Variants in PPP4R3B observed in about 807,000 individuals in gnomAD.
The protein encoded by PPP4R3B is serine/threonine-protein phosphatase 4 regulatory subunit 3B.
PPP4R3B carries 52 observed loss-of-function variants against 95.4 expected under a neutral mutation model. The ratio of observed to expected loss-of-function variants is 0.54; its 90% CI spans 0.44 to 0.69. The LOEUF is 0.69. PPP4R3B is among the 30% of genes least tolerant of loss of function. The pLI is 0.00. For missense variants in PPP4R3B, 1,003 were observed against 1,005.9 expected, an observed-to-expected ratio of 1.00 and a Z score of 0.04; for synonymous variants, 407 against 343.9, an observed-to-expected ratio of 1.18 and a Z score of -2.03.
chr2:55,559,633 T>C (rs1262178744), intron 15 of PPP4R3B, among the ~76,000 whole-genome samples: 1 of 152,194 alleles, frequency 6.6e-6, no homozygotes, highest in Non-Finnish European at 1.5e-5. Flanking sequence ...CTCTCTCTCC[T>C]GCTGCCATGT....
intron 13 of PPP4R3B, among the ~76,000 whole-genome samples, chr2:55,566,934 G>A (rs561107399): frequency 4.6e-5 from 7 of 152,204 alleles, no homozygotes; most frequent in Non-Finnish European, 1.0e-4. Flanking sequence ...TTGAGCCCAG[G>A]AGGTCGAGGC....
intron 2 of PPP4R3B, among the ~76,000 whole-genome samples, chr2:55,609,782 A>G (rs560090934): frequency 6.6e-6 from 1 of 152,164 alleles, no homozygotes; most frequent in Non-Finnish European, 1.5e-5. Context: ...AGTATACAGT[A>G]TGCTACCAGT....
intron 2 of PPP4R3B, among the ~76,000 whole-genome samples, chr2:55,609,887 A>C (rs1191524323): frequency 6.6e-6 from 1 of 152,224 alleles, no homozygotes; most frequent in East Asian, 1.9e-4. Context: ...TGGTGATGTC[A>C]GTGGCCTCTA....
intron 12 of PPP4R3B, among the ~76,000 whole-genome samples, chr2:55,569,747 G>A (rs993766592): frequency 6.6e-6 from 1 of 152,034 alleles, no homozygotes; most frequent in African/African-American, 2.4e-5. Context: ...GGCCACTACC[G>A]GTCTCCGCGT....
At chr2:55,582,397 G>T (rs1689564394) in intron 7 of PPP4R3B, among the ~76,000 whole-genome samples, 1 of 152,088 alleles carries the variant, frequency 6.6e-6, no homozygotes, top group Non-Finnish European at 1.5e-5. Context: ...GGGATTAAAG[G>T]CATGAGCCAC....
intron 2 of PPP4R3B, among the ~76,000 whole-genome samples, 187 bp from the exon 3 acceptor site, chr2:55,604,263 ATGAC>A (rs1185424287): frequency 1.3e-5 from 2 of 152,216 alleles, no homozygotes; most frequent in African/African-American, 4.8e-5. Context: ...GATACTAAAA[ATGAC>A]TGAGCAATTT....
At chr2:55,569,033 GA>G (rs1687648128) in intron 12 of PPP4R3B, among the ~76,000 whole-genome samples, 1 of 152,046 alleles carries the variant, frequency 6.6e-6, no homozygotes, top group Non-Finnish European at 1.5e-5. Context: ...GATTATATAT[GA>G]ATATCATTAA....
intron 4 of PPP4R3B, among the ~76,000 whole-genome samples, chr2:55,592,048 G>C (rs2104382569): frequency 6.6e-6 from 1 of 151,988 alleles, no homozygotes; most frequent in Admixed American, 6.6e-5. Context: ...AAACACTGTG[G>C]GGAAAAAAAG....
chr2:55,575,507 G>A (rs1380649384), intron 11 of PPP4R3B, among the ~76,000 whole-genome samples: 1 of 152,082 alleles, frequency 6.6e-6, no homozygotes, highest in Admixed American at 6.6e-5. Flanking sequence ...GGGCACTGGT[G>A]CAATTTCGGC....
intron 5 of PPP4R3B, among the ~76,000 whole-genome samples, chr2:55,588,435 C>A (rs1690466981): frequency 6.6e-6 from 1 of 151,472 alleles, no homozygotes; most frequent in African/African-American, 2.4e-5. Flanking sequence ...ATCCCTTGAA[C>A]CTGGGAGGCA....
chr2:55,559,051 T>C, intron 15 of PPP4R3B, 83 bp from the exon 16 acceptor site: 3 of 1,128,146 alleles, frequency 2.7e-6, no homozygotes, highest in East Asian at 2.6e-5. Context: ...ATTAAAAAAC[T>C]TATAAAACAT....
At chr2:55,550,956 C>A (rs1685177085) in intron 16 of PPP4R3B, among the ~76,000 whole-genome samples, 1 of 152,158 alleles carries the variant, frequency 6.6e-6, no homozygotes, top group African/African-American at 2.4e-5. Flanking sequence ...CATCTTAAGT[C>A]TGGATATGCA....
rs575307980 is a variant in PPP4R3B at position 55,609,239 on chromosome 2, GCCTCAA to G, written c.199-5169_199-5164del. ...ACAGGTGTGATCATCACGAACTATA[GCCTCAA>G]ACTCCTGGTCTCAAGTGATCCTCCT... On this transcript the variant is annotated intron_variant, in intron 2 of 16. Transcript: ENST00000616407. 3.9e-5 allele frequency among the ~76,000 whole-genome samples: 6 copies of G among 151,994 alleles called. No individual in the cohort carries two copies. The South Asian group carries it at 1.0e-3, about 26-fold the overall frequency.
At chr2:55,600,972 C>T (rs976394898) in intron 3 of PPP4R3B, among the ~76,000 whole-genome samples, 1 of 151,906 alleles carries the variant, frequency 6.6e-6, no homozygotes, top group African/African-American at 2.4e-5. Context: ...GCCTGTGCAA[C>T]CTTGTCACTA....
chr2:55,560,557 T>C (rs1245508266), intron 15 of PPP4R3B, among the ~76,000 whole-genome samples: 37 of 152,116 alleles, frequency 2.4e-4, no homozygotes, highest in African/African-American at 8.4e-4. Flanking sequence ...GACAAGCGGA[T>C]CACGAAGTCA....
intron 12 of PPP4R3B, among the ~76,000 whole-genome samples, chr2:55,570,964 C>T (rs995572264): frequency 6.6e-6 from 1 of 152,132 alleles, no homozygotes; most frequent in African/African-American, 2.4e-5. Context: ...ACTACAGTTA[C>T]AACAGCACTG....
At chr2:55,615,991 G>A (rs1694870966) in intron 1 of PPP4R3B, among the ~76,000 whole-genome samples, 1 of 139,562 alleles carries the variant, frequency 7.2e-6, no homozygotes, top group Admixed American at 7.9e-5. Flanking sequence ...CCAAATCTAG[G>A]CTTCACATTT....
chr2:55,579,983 T>C (rs1292683185), intron 8 of PPP4R3B, among the ~76,000 whole-genome samples: 1 of 152,156 alleles, frequency 6.6e-6, no homozygotes, highest in African/African-American at 2.4e-5. Context: ...AAACTAACTA[T>C]ATTCACTTTA....
At chr2:55,582,479 T>A (rs1689575244) in intron 7 of PPP4R3B, among the ~76,000 whole-genome samples, 2 of 152,138 alleles carry the variant, frequency 1.3e-5, no homozygotes, top group African/African-American at 4.8e-5. Context: ...ATTTTCTGAT[T>A]GGGAAATATA....
Sources: gnomAD v4.1 joint callset for allele counts (sites outside exome capture counted in the v4.1 genomes callset) on GRCh38, gnomAD v4.1.1 for gene constraint, MANE v1.5 for transcripts, NCBI Gene and HGNC (gene_info 2026-07-23, HGNC 2026-07-21) for gene names.